Variants in MINDY4 observed in about 807,000 individuals in gnomAD.
MINDY4 encodes the protein probable ubiquitin carboxyl-terminal hydrolase MINDY-4.
MINDY4 carries 68 observed loss-of-function variants against 87.0 expected under a neutral mutation model. That is an observed-to-expected ratio of 0.78 (90% CI 0.64 to 0.96). MINDY4 has a LOEUF of 0.96. Ranked by LOEUF, MINDY4 falls within the 40% of genes least tolerant of loss-of-function variation. MINDY4 has a pLI of 0.00. For synonymous variants in MINDY4, 379 were observed against 363.2 expected (o/e 1.04, Z -0.50); for missense variants, 919 against 928.2 (o/e 0.99, Z 0.13).
Position 30,850,396 on chromosome 7 carries a change from G to A in MINDY4, c.1446-58G>A, listed in dbSNP as rs1430927562. 4 of 1,489,030 alleles carry A rather than the reference G, an allele frequency of 2.7e-6. No homozygotes were observed. The East Asian group carries it at 9.5e-5, about 35-fold the overall frequency. 92.2% of individuals were successfully genotyped at this position (1,489,030 alleles called of 1,614,324 possible). ...CTGCCTGACCACACTAAGTAGAGCT[G>A]CACCATCTCAACCTTGTGTCCACAT... On this transcript the variant is annotated intron_variant, in intron 9 of 17. Transcript: ENST00000265299.
intron 10 of MINDY4, among the ~76,000 whole-genome samples, chr7:30,851,337 T>C (rs1460742532): frequency 1.3e-5 from 2 of 152,252 alleles, no homozygotes; most frequent in East Asian, 3.8e-4. Flanking sequence ...GTAATCGCTC[T>C]GTTTACTCAT....
chr7:30,773,499 C>T (rs1183289026), intron 1 of MINDY4, among the ~76,000 whole-genome samples: 2 of 152,142 alleles, frequency 1.3e-5, no homozygotes, highest in South Asian at 2.1e-4. Flanking sequence ...ACTGCTTGCT[C>T]CGCCCTCTAC....
At chr7:30,835,044 C>T (rs998410443) in intron 6 of MINDY4, among the ~76,000 whole-genome samples, 3 of 152,250 alleles carry the variant, frequency 2.0e-5, no homozygotes, top group Non-Finnish European at 2.9e-5. Context: ...GCCTGTTACT[C>T]AGTTTCAAAG....
intron 2 of MINDY4, chr7:30,781,519 C>G (rs942689661): frequency 6.3e-6 from 1 of 158,164 alleles, no homozygotes; most frequent in Admixed American, 6.3e-5. Context: ...TCTCTATCAT[C>G]GCTGGTGTCA....
chr7:30,778,088 A>G (rs1462912504), intron 1 of MINDY4, among the ~76,000 whole-genome samples: 1 of 152,090 alleles, frequency 6.6e-6, no homozygotes, highest in African/African-American at 2.4e-5. Flanking sequence ...CCCATCTGAG[A>G]GTGAAGGGAA....
intron 14 of MINDY4, among the ~76,000 whole-genome samples, chr7:30,874,664 A>G (rs1270476857): frequency 2.0e-5 from 3 of 152,192 alleles, no homozygotes; most frequent in Non-Finnish European, 2.9e-5. Context: ...TAGCAAGACA[A>G]CAGCAGAAGC....
At chr7:30,796,023 C>T (rs996085085) in intron 5 of MINDY4, among the ~76,000 whole-genome samples, 5 of 152,156 alleles carry the variant, frequency 3.3e-5, no homozygotes, top group African/African-American at 1.2e-4. Flanking sequence ...TGTAACCGAA[C>T]ACATTCAGGG....
intron 5 of MINDY4, among the ~76,000 whole-genome samples, chr7:30,817,269 A>G (rs1291080873): frequency 1.3e-5 from 2 of 151,786 alleles, no homozygotes; most frequent in East Asian, 3.9e-4. Context: ...CTATACCTAG[A>G]GGAGCTTGGC....
chr7:30,884,440 A>C (rs1002579942), intron 17 of MINDY4, among the ~76,000 whole-genome samples: 3 of 152,236 alleles, frequency 2.0e-5, no homozygotes, highest in Non-Finnish European at 2.9e-5. Context: ...AGGGCCACTC[A>C]TTCAAAATGA....
rs112087094 is a variant in MINDY4 at position 30,892,179 on chromosome 7, G to A, written c.*174G>A. 2 of 640,560 alleles carry A rather than the reference G, an allele frequency of 3.1e-6. No homozygotes were observed. The highest frequency in any genetic ancestry group is 2.7e-6 in the Non-Finnish European group (1 of 367,276). The allele number at this position is 640,560 out of a possible 1,614,324, so 39.7% of individuals were successfully genotyped here. A position where few individuals can be genotyped will look rare whatever the true frequency, so the allele number is the denominator to read the frequency against. On this transcript the variant is annotated 3_prime_UTR_variant, in exon 18 of 18. Coordinates refer to ENST00000265299, the MANE Select transcript of MINDY4 (RefSeq NM_032222.3). ...CCATGAAGGGCCCACCCAAGACTGTGCTGGGGACCCAGTGTGTTGCTGGGT... is the reference window on the plus strand; with the variant it reads ...CCATGAAGGGCCCACCCAAGACTGTACTGGGGACCCAGTGTGTTGCTGGGT...
At chr7:30,829,807 G>A (rs1028217305) in intron 6 of MINDY4, among the ~76,000 whole-genome samples, 3 of 152,194 alleles carry the variant, frequency 2.0e-5, no homozygotes, top group African/African-American at 7.2e-5. Context: ...ATTTTGCAGT[G>A]AAAGCTGCTT....
chr7:30,771,632 T>C (rs906469660), intron 1 of MINDY4, 76 bp downstream of exon 1: 12 of 1,451,954 alleles, frequency 8.3e-6, no homozygotes, highest in East Asian at 2.5e-5. Flanking sequence ...CCTGAAGGCT[T>C]TGCAGCTTCT....
chr7:30,882,122 A>C (rs1433077565), intron 15 of MINDY4, 59 bp from the exon 16 acceptor site: 1 of 1,512,106 alleles, frequency 6.6e-7, no homozygotes, highest in Admixed American at 1.9e-5. Context: ...CAGACAGAAA[A>C]ATGCCCGGAC....
At chr7:30,870,839 G>A (rs1451533349) in intron 13 of MINDY4, among the ~76,000 whole-genome samples, 1 of 152,192 alleles carries the variant, frequency 6.6e-6, no homozygotes, top group Admixed American at 6.5e-5. Context: ...TGTTATACCT[G>A]GCCTCTCTCT....
rs761773936 is a variant in MINDY4 at position 30,778,540 on chromosome 7, A to G, written c.172A>G (p.Lys58Glu). 6.2e-7 allele frequency: 1 copy of G among 1,614,198 alleles called. No homozygotes were observed. ...RKVLHLEFLY[K>E]ENKAKENPLK... Reference sequence around the variant, plus strand: ...GGTTTTGCATCTTGAATTTCTCTATAAGGAGAACAAGGTATGTGCTTTCTA... The same window carrying G: ...GGTTTTGCATCTTGAATTTCTCTATGAGGAGAACAAGGTATGTGCTTTCTA... Residue 58 changes from lysine to glutamate, a missense_variant, in exon 2 of 18, where the codon AAG (lysine) becomes GAG (glutamate). Coordinates refer to ENST00000265299, the MANE Select transcript of MINDY4 (RefSeq NM_032222.3).
chr7:30,784,775 C>T (rs569720834), intron 3 of MINDY4, among the ~76,000 whole-genome samples: 7 of 152,226 alleles, frequency 4.6e-5, no homozygotes, highest in South Asian at 2.1e-4. Context: ...CCTGACATGC[C>T]GCAATCACAA....
intron 17 of MINDY4, among the ~76,000 whole-genome samples, chr7:30,886,219 G>T (rs746356749): frequency 6.6e-6 from 1 of 152,164 alleles, no homozygotes; most frequent in African/African-American, 2.4e-5. Flanking sequence ...AGGCCAGTCT[G>T]GTGGGCAGGT....
At chr7:30,889,675 A>G (rs1790739211) in intron 17 of MINDY4, among the ~76,000 whole-genome samples, 1 of 152,210 alleles carries the variant, frequency 6.6e-6, no homozygotes, top group Admixed American at 6.5e-5. Context: ...ACAGAAGCCC[A>G]GTAAATAGTC....
intron 6 of MINDY4, among the ~76,000 whole-genome samples, chr7:30,834,731 G>T (rs1041767803): frequency 6.6e-6 from 1 of 152,128 alleles, no homozygotes; most frequent in Non-Finnish European, 1.5e-5. Context: ...CAGCACTCAA[G>T]TCGCCTCTTG....
Sources: gnomAD v4.1 joint callset for allele counts (sites outside exome capture counted in the v4.1 genomes callset) on GRCh38, gnomAD v4.1.1 for gene constraint, MANE v1.5 for transcripts, NCBI Gene and HGNC (gene_info 2026-07-23, HGNC 2026-07-21) for gene names.